The following EIF1AX variants were observed in gnomAD, a reference collection of about 807,000 sequenced individuals.
EIF1AX encodes eukaryotic translation initiation factor 1A, X-chromosomal.
A neutral mutation model predicts 16.1 loss-of-function variants in EIF1AX; 1 was observed. That is an observed-to-expected ratio of 0.06 (90% CI 0.02 to 0.30). EIF1AX has a LOEUF of 0.30. EIF1AX is among the 10% of genes least tolerant of loss of function. The probability of loss-of-function intolerance (pLI) is 1.00; values close to 1 mark genes in which losing one functional copy is unlikely to be tolerated. For missense variants in EIF1AX, 11 were observed against 109.1 expected (o/e 0.10, Z 4.00); for synonymous variants, 32 against 37.3 (o/e 0.86, Z 0.51).
intron 2 of EIF1AX, among the ~76,000 whole-genome samples, chrX:20,136,704 T>A (rs1212665876): frequency 8.9e-6 from 1 of 111,941 alleles, no homozygotes; most frequent in Non-Finnish European, 1.9e-5. Context: ...TGGAAGTCAA[T>A]TACTCAGACT....
chrX:20,126,568 A>G lies in EIF1AX; in HGVS notation c.*1738T>C, dbSNP rs1352956950. On this transcript the variant is annotated 3_prime_UTR_variant, in exon 7 of 7. Transcript: ENST00000379607. The stretch of plus-strand genomic sequence containing the variant: ...AAATATGCAAAGTTCAAACATTCTT[A>G]GTAAAATAATATGAAAGGATCTATA... 1 of 136,104 alleles carries G rather than the reference A, an allele frequency of 7.3e-6. No individual in the cohort carries two copies. The highest frequency in any genetic ancestry group is 3.3e-5 in the African/African-American group (1 of 30,751). 11.2% of individuals were successfully genotyped at this position (136,104 alleles called of 1,213,427 possible). A position where few individuals can be genotyped will look rare whatever the true frequency, so the allele number is the denominator to read the frequency against.
At position 20,137,493 on chromosome X, in the gene EIF1AX, TG is replaced by T. The variant is rs2067021063; in HGVS notation, c.100+1045del. Among the ~76,000 whole-genome samples, 3 of 111,217 alleles carry T rather than the reference TG, an allele frequency of 2.7e-5. No individual in the cohort carries two copies. In the East Asian group the frequency reaches 8.4e-4, roughly 31 times the overall value. Reference sequence around the variant, plus strand: ...ACATATATATTTCTTTATATGTGTGTGTACAGATGAAGGATTTAAGGGAGTT... The same window carrying T: ...ACATATATATTTCTTTATATGTGTGTTACAGATGAAGGATTTAAGGGAGTT... On this transcript the variant is annotated intron_variant, in intron 2 of 6. Coordinates refer to ENST00000379607, the MANE Select transcript of EIF1AX (RefSeq NM_001412.4).
At chrX:20,129,535 A>G (rs964644484) in intron 6 of EIF1AX, among the ~76,000 whole-genome samples, 1 of 112,753 alleles carries the variant, frequency 8.9e-6, no homozygotes, top group African/African-American at 3.2e-5. Flanking sequence ...AAATAAATTT[A>G]TACTGCCAAA....
In EIF1AX at chrX:20,125,545, T is replaced by G. The variant is rs2066982785; in HGVS notation, c.*2761A>C. On this transcript the variant is annotated 3_prime_UTR_variant, in exon 7 of 7. Coordinates refer to ENST00000379607, the MANE Select transcript of EIF1AX (RefSeq NM_001412.4). ...CAGTCAGGTAACATCAAAAAAACCT[T>G]GCTTTCATTCTGATACTTTAGCTGT... 5.9e-6 allele frequency: 1 copy of G among 168,393 alleles called. No individual in the cohort carries two copies. Among genetic ancestry groups the G allele is most frequent in the Non-Finnish European group, 1.1e-5 (1 of 87,829 alleles). 13.9% of individuals were successfully genotyped at this position (168,393 alleles called of 1,213,427 possible). A position where few individuals can be genotyped will look rare whatever the true frequency, so the allele number is the denominator to read the frequency against.
In EIF1AX at chrX:20,132,271, A is replaced by G. The variant is rs748204102; in HGVS notation, c.256-8T>C. The G allele has an allele frequency of 4.5e-6, 5 of 1,122,676 alleles. No individual in the cohort carries two copies. In the East Asian group the frequency reaches 1.5e-4, roughly 34 times the overall value. 92.5% of individuals were successfully genotyped at this position (1,122,676 alleles called of 1,213,427 possible). A position where few individuals can be genotyped will look rare whatever the true frequency, so the allele number is the denominator to read the frequency against. ...TACATCAGCTTTGTTATCCTTAAAT[A>G]GAGACAAATAACTTTAAAAAACTGA... On this transcript the variant is annotated splice_polypyrimidine_tract_variant and splice_region_variant and intron_variant, in intron 4 of 6. Transcript: ENST00000379607.
intron 5 of EIF1AX, among the ~76,000 whole-genome samples, 163 bp downstream of exon 5, chrX:20,132,019 T>C: frequency 9.2e-6 from 1 of 108,120 alleles, no homozygotes; most frequent in African/African-American, 3.4e-5. Flanking sequence ...TTCCAGTAAT[T>C]TCTTTCTTAT....
intron 5 of EIF1AX, 122 bp from the exon 6 acceptor site, chrX:20,130,729 T>C (rs996202069): frequency 4.5e-6 from 3 of 671,269 alleles, no homozygotes; most frequent in African/African-American, 4.6e-5. Flanking sequence ...AAAAAATTCC[T>C]GCAGTGTCAC....
At chrX:20,133,568 A>G (rs1267772417) in intron 4 of EIF1AX, among the ~76,000 whole-genome samples, 1 of 110,482 alleles carries the variant, frequency 9.1e-6, no homozygotes, top group Non-Finnish European at 1.9e-5. Flanking sequence ...AGATAGTATC[A>G]TACAGGGATG....
rs188674877 is a variant in EIF1AX at position 20,124,798 on chromosome X, T to C, written c.*3508A>G. The C allele has an allele frequency of 9.6e-5, 14 of 145,146 alleles. No homozygotes were observed. The highest frequency in any genetic ancestry group is 2.2e-4 in the East Asian group (2 of 9,121). The allele number at this position is 145,146 out of a possible 1,213,427, so 12.0% of individuals were successfully genotyped here. The stretch of plus-strand genomic sequence containing the variant: ...TGAGAGACTTCATCTGTTAGTCTTA[T>C]GCCAAATTAAATGAGTTTGGTAGCA... On this transcript the variant is annotated 3_prime_UTR_variant, in exon 7 of 7. Transcript: ENST00000379607.
intron 1 of EIF1AX, among the ~76,000 whole-genome samples, chrX:20,138,998 A>G (rs1262889113): frequency 1.8e-5 from 2 of 112,528 alleles, no homozygotes; most frequent in African/African-American, 6.5e-5. Flanking sequence ...GCCAGGCCCT[A>G]TGCAAGGAAC....
chrX:20,136,822 G>C (rs1440909881), intron 2 of EIF1AX, among the ~76,000 whole-genome samples: 2 of 111,583 alleles, frequency 1.8e-5, no homozygotes, highest in Non-Finnish European at 1.9e-5. Context: ...GTATGCCCAA[G>C]TCAAGTCAGC....
rs1355236520 is a variant in EIF1AX, at chrX:20,126,973, C to A, written c.*1333G>T. 1 of 147,383 alleles carries A rather than the reference C, an allele frequency of 6.8e-6. No individual in the cohort carries two copies. Among genetic ancestry groups the A allele is most frequent in the African/African-American group, 3.0e-5 (1 of 32,874 alleles). The allele number at this position is 147,383 out of a possible 1,213,427, so 12.1% of individuals were successfully genotyped here. ...GTATTTTCATCACTGAAAAGTTCCC[C>A]GGTGACTAATAAAATAAAAGTGTCA... On this transcript the variant is annotated 3_prime_UTR_variant, in exon 7 of 7. Transcript: ENST00000379607.
At chrX:20,132,415 A>G in intron 4 of EIF1AX, 152 bp from the exon 5 acceptor site, 1 of 421,742 alleles carries the variant, frequency 2.4e-6, no homozygotes, top group Non-Finnish European at 4.0e-6. Flanking sequence ...ATACCCTCTG[A>G]AAAAGATCCT....
intron 4 of EIF1AX, among the ~76,000 whole-genome samples, chrX:20,133,589 G>A (rs2067007309): frequency 9.0e-6 from 1 of 110,543 alleles, no homozygotes; most frequent in Non-Finnish European, 1.9e-5. Flanking sequence ...ATTTCCAATA[G>A]GTGGATGTCA....
chrX:20,141,123 C>T (rs914832057), intron 1 of EIF1AX, among the ~76,000 whole-genome samples: 2 of 111,484 alleles, frequency 1.8e-5, no homozygotes, highest in Non-Finnish European at 3.8e-5. Context: ...AAGGTTTCAC[C>T]CACTGTTCAC....
Position 20,141,612 on chromosome X carries a change from C to T in EIF1AX, c.16+13G>A. ...CGAGCAGAGCCGTGGTCCGGGGGTC[C>T]GGGCGGCATTACCTTTATTCTTGGG... On this transcript the variant is annotated intron_variant, in intron 1 of 6. Coordinates refer to ENST00000379607, the MANE Select transcript of EIF1AX (RefSeq NM_001412.4). The T allele has an allele frequency of 8.7e-7, 1 of 1,154,692 alleles. No individual in the cohort carries two copies. Among genetic ancestry groups the T allele is most frequent in the Non-Finnish European group, 1.2e-6 (1 of 866,290 alleles).
intron 4 of EIF1AX, among the ~76,000 whole-genome samples, chrX:20,132,926 A>G (rs183508136): frequency 8.9e-6 from 1 of 112,379 alleles, no homozygotes; most frequent in East Asian, 2.8e-4. Context: ...CTTCAAGGAC[A>G]GTGTGATTCA....
At chrX:20,133,299 T>C (rs939281499) in intron 4 of EIF1AX, among the ~76,000 whole-genome samples, 1 of 110,960 alleles carries the variant, frequency 9.0e-6, no homozygotes, top group African/African-American at 3.3e-5. Context: ...CTCAGCGCTA[T>C]GGATTATTGT....
Position 20,128,272 on chromosome X carries a change from C to T in EIF1AX, c.*34G>A, listed in dbSNP as rs371146150. 1.1e-5 allele frequency: 13 copies of T among 1,177,390 alleles called. No homozygotes were observed. Among genetic ancestry groups the T allele is most frequent in the Non-Finnish European group, 1.4e-5 (12 of 871,683 alleles). On this transcript the variant is annotated 3_prime_UTR_variant, in exon 7 of 7. Coordinates refer to ENST00000379607, the MANE Select transcript of EIF1AX (RefSeq NM_001412.4). Reference sequence around the variant, plus strand: ...AAAATCCAAATTGTAGGACAATCTTCAGAAAAGATGGAATGTAAAATGTTG... The same window carrying T: ...AAAATCCAAATTGTAGGACAATCTTTAGAAAAGATGGAATGTAAAATGTTG...
Sources: allele counts gnomAD v4.1 joint callset (sites outside exome capture counted in the v4.1 genomes callset), GRCh38; gene constraint gnomAD v4.1.1; transcripts MANE v1.5; gene names NCBI Gene and HGNC (gene_info 2026-07-23, HGNC 2026-07-21).